Variants in ZBTB7C observed in about 807,000 individuals in gnomAD.
ZBTB7C encodes the protein zinc finger and BTB domain-containing protein 7C.
A neutral mutation model predicts 25.7 loss-of-function variants in ZBTB7C; 8 were observed. The ratio of observed to expected loss-of-function variants is 0.31; its 90% CI spans 0.18 to 0.56. The LOEUF (loss-of-function observed/expected upper bound fraction) is 0.56. ZBTB7C is among the 20% of genes least tolerant of loss of function. The pLI is 0.91. For missense variants in ZBTB7C, 824 were observed against 855.2 expected (o/e 0.96, Z 0.46); for synonymous variants, 394 against 369.0 (o/e 1.07, Z -0.78).
At chr18:48,045,957 C>A (rs2036452606) in intron 3 of ZBTB7C, among the ~76,000 whole-genome samples, 1 of 152,202 alleles carries the variant, frequency 6.6e-6, no homozygotes, top group Admixed American at 6.5e-5. Flanking sequence ...ACAGCCAATG[C>A]CAACTTGCTA....
chr18:48,125,281 C>T (rs184215987), intron 3 of ZBTB7C, among the ~76,000 whole-genome samples: 31 of 152,194 alleles, frequency 2.0e-4, no homozygotes, highest in African/African-American at 7.5e-4. Context: ...GGATTCTTAT[C>T]CAGTAAGGGC....
At chr18:48,167,910 C>T (rs6507820) in intron 3 of ZBTB7C, among the ~76,000 whole-genome samples, 23,457 of 152,166 alleles carry the variant, frequency 0.15, 2,826 homozygotes, top group African/African-American at 0.32. Flanking sequence ...CAGCAACAGT[C>T]GGATAAAGGT....
chr18:48,224,306 C>G (rs1052517274), intron 2 of ZBTB7C, among the ~76,000 whole-genome samples: 1 of 152,136 alleles, frequency 6.6e-6, no homozygotes, highest in Non-Finnish European at 1.5e-5. Flanking sequence ...AATCTAGAAC[C>G]AATGAAGAAA....
chr18:48,288,168 G>A (rs1284495035), intron 2 of ZBTB7C, among the ~76,000 whole-genome samples: 1 of 152,228 alleles, frequency 6.6e-6, no homozygotes, highest in Non-Finnish European at 1.5e-5. Flanking sequence ...ATAGCAATGT[G>A]TTAGAATTTA....
chr18:48,197,071 AGAT>A (rs2042334976), intron 2 of ZBTB7C, among the ~76,000 whole-genome samples: 1 of 152,162 alleles, frequency 6.6e-6, no homozygotes, highest in Non-Finnish European at 1.5e-5. Context: ...AGATGCAAGG[AGAT>A]GTTTGCTAGG....
chr18:48,249,340 C>T (rs188081053), intron 2 of ZBTB7C, among the ~76,000 whole-genome samples: 1 of 152,290 alleles, frequency 6.6e-6, no homozygotes, highest in African/African-American at 2.4e-5. Context: ...TCTATAAAAG[C>T]CCCAAACTGA....
At chr18:48,269,689 T>C (rs16949014) in intron 2 of ZBTB7C, among the ~76,000 whole-genome samples, 2,276 of 152,312 alleles carry the variant, frequency 0.015, 68 homozygotes, top group African/African-American at 0.051. Context: ...CCTGAGATTA[T>C]AGGGACACCT....
At chr18:48,395,810 A>C (rs1240985569) in intron 1 of ZBTB7C, among the ~76,000 whole-genome samples, 1 of 152,210 alleles carries the variant, frequency 6.6e-6, no homozygotes, top group Non-Finnish European at 1.5e-5. Context: ...CCAGAATCTG[A>C]GAAGAAGTAA....
At chr18:48,137,017 C>G (rs9954047) in intron 3 of ZBTB7C, 824,934 of 985,120 alleles carry the variant, frequency 0.84, 346,058 homozygotes, top group African/African-American at 0.95. Flanking sequence ...CTGGCCGCCC[C>G]GGGGACGCCG....
At chr18:48,333,004 C>T (rs1247879064) in intron 2 of ZBTB7C, among the ~76,000 whole-genome samples, 1 of 152,098 alleles carries the variant, frequency 6.6e-6, no homozygotes, top group Non-Finnish European at 1.5e-5. Flanking sequence ...TAAGATCTCT[C>T]TAGAATTGAT....
chr18:48,312,305 C>T (rs1045240859), intron 2 of ZBTB7C, among the ~76,000 whole-genome samples: 1 of 152,212 alleles, frequency 6.6e-6, no homozygotes, highest in Non-Finnish European at 1.5e-5. Context: ...CTGCTCAGCC[C>T]TACCTACCCC....
intron 4 of ZBTB7C, among the ~76,000 whole-genome samples, chr18:48,031,366 A>C (rs979439542): frequency 6.6e-6 from 1 of 152,038 alleles, no homozygotes; most frequent in Non-Finnish European, 1.5e-5. Context: ...GGAGAAGGGA[A>C]GTGGGGTCAC....
At chr18:48,329,791 CTCGCCCCATGTCT>C (rs2046304062) in intron 2 of ZBTB7C, among the ~76,000 whole-genome samples, 1 of 152,188 alleles carries the variant, frequency 6.6e-6, no homozygotes, top group African/African-American at 2.4e-5. Context: ...CTCAGTGCAT[CTCGCCCCATGTCT>C]TATTATTCCT....
intron 2 of ZBTB7C, among the ~76,000 whole-genome samples, chr18:48,243,027 G>T (rs933396498): frequency 1.3e-5 from 2 of 151,954 alleles, no homozygotes; most frequent in Non-Finnish European, 2.9e-5. Context: ...AATTTGGGAG[G>T]CCGAGGCAGG....
intron 1 of ZBTB7C, chr18:48,375,416 C>A (rs1419363541): frequency 6.6e-6 from 1 of 152,286 alleles, no homozygotes; most frequent in East Asian, 1.9e-4. Context: ...TCCCTCTAGA[C>A]TGAAGTCAGG....
chr18:48,371,015 C>T (rs192536620), intron 1 of ZBTB7C, among the ~76,000 whole-genome samples: 1 of 152,264 alleles, frequency 6.6e-6, no homozygotes, highest in East Asian at 1.9e-4. Flanking sequence ...TGGAAGGACA[C>T]GAAGCCCCTG....
chr18:48,251,223 C>A (rs747786247), intron 2 of ZBTB7C, among the ~76,000 whole-genome samples: 7 of 151,616 alleles, frequency 4.6e-5, no homozygotes, highest in Non-Finnish European at 1.0e-4. Context: ...GAACCTGTCT[C>A]CCCCCAGAAA....
chr18:48,145,485 C>T (rs1216984745), intron 3 of ZBTB7C, among the ~76,000 whole-genome samples: 1 of 152,214 alleles, frequency 6.6e-6, no homozygotes, highest in African/African-American at 2.4e-5. Context: ...TGCTAAGCAA[C>T]TGCATATCAG....
chr18:48,302,335 C>G (rs2045565019), intron 2 of ZBTB7C, among the ~76,000 whole-genome samples: 1 of 152,194 alleles, frequency 6.6e-6, no homozygotes, highest in African/African-American at 2.4e-5. Context: ...TTCCCTTGGC[C>G]ATTTCCACTA....
Sources: allele counts gnomAD v4.1 joint callset (sites outside exome capture counted in the v4.1 genomes callset), GRCh38; gene constraint gnomAD v4.1.1; transcripts MANE v1.5; gene names NCBI Gene and HGNC (gene_info 2026-07-23, HGNC 2026-07-21).